Variants in TTC39A observed in about 807,000 individuals in gnomAD.
TTC39A encodes the protein tetratricopeptide repeat protein 39A.
TTC39A carries 46 observed loss-of-function variants against 82.3 expected under a neutral mutation model. The observed-to-expected ratio is 0.56, with a 90% CI of 0.44 to 0.71. TTC39A has a LOEUF of 0.71. Ranked by LOEUF, TTC39A falls within the 30% of genes least tolerant of loss-of-function variation. The probability of loss-of-function intolerance (pLI) is 0.00; values close to 1 mark genes in which losing one functional copy is unlikely to be tolerated. For missense variants in TTC39A, 543 were observed against 712.9 expected (o/e 0.76, Z 2.71); for synonymous variants, 254 against 275.2 (o/e 0.92, Z 0.76).
At position 51,303,072 on chromosome 1, in the gene TTC39A, C is replaced by A. The variant is rs1644735780; in HGVS notation, c.763+12G>T. 6.3e-7 allele frequency: 1 copy of A among 1,577,274 alleles called. No homozygotes were observed. On this transcript the variant is annotated intron_variant, in intron 9 of 17. Coordinates refer to ENST00000680483, the MANE Select transcript of TTC39A (RefSeq NM_001297663.2). ...CCAAACCCCAGGGCCCCAGGTCCCC[C>A]TGTACACCTACCGAGCACGAAGGTG...
At chr1:51,299,668 T>C (rs1644576249) in intron 12 of TTC39A, 1 of 152,358 alleles carries the variant, frequency 6.6e-6, no homozygotes, top group Non-Finnish European at 1.5e-5. Context: ...GAGCCAGATT[T>C]CCTGACAGCT....
Position 51,309,188 on chromosome 1 carries a change from C to T in TTC39A, c.488+73G>A, listed in dbSNP as rs143316259. 3.9e-3 allele frequency: 5,916 copies of T among 1,511,634 alleles called. 13 individuals are homozygous for T. The highest frequency in any genetic ancestry group is 4.4e-3 in the Non-Finnish European group (4,911 of 1,127,416). 93.6% of individuals were successfully genotyped at this position (1,511,634 alleles called of 1,614,324 possible). A position where few individuals can be genotyped will look rare whatever the true frequency, so the allele number is the denominator to read the frequency against. On this transcript the variant is annotated intron_variant, in intron 6 of 17. Coordinates refer to ENST00000680483, the MANE Select transcript of TTC39A (RefSeq NM_001297663.2). ...TAGTACTCTTCTTCTCCCACAAAGC[C>T]GCCTGAGGGGGACAGCCTAGCAGAT...
chr1:51,304,349 G>A (rs1644793043), intron 8 of TTC39A, among the ~76,000 whole-genome samples: 1 of 152,180 alleles, frequency 6.6e-6, no homozygotes, highest in Admixed American at 6.5e-5. Context: ...CGTGGGTGTG[G>A]CAAATATCAG....
At chr1:51,332,693 C>G (rs1056101145), upstream of TTC39A, among the ~76,000 whole-genome samples, 1 of 152,194 alleles carries the variant, frequency 6.6e-6, no homozygotes, top group African/African-American at 2.4e-5. Context: ...TATTTTTTCA[C>G]TGCATTAATG....
At chr1:51,322,166 C>T (rs992503203) in intron 1 of TTC39A, 1 of 1,549,444 alleles carries the variant, frequency 6.5e-7, no homozygotes, top group African/African-American at 1.4e-5. Flanking sequence ...GCCCATTGGG[C>T]TCTGCTGCCC....
In TTC39A at chr1:51,293,892, C is replaced by T. The variant is rs1342265048; in HGVS notation, c.1266+499G>A. 3.9e-5 allele frequency among the ~76,000 whole-genome samples: 6 copies of T among 152,324 alleles called. No homozygotes were observed. In the East Asian group the frequency reaches 1.2e-3, roughly 29 times the overall value. ...CTGTAAAATGGAGACACCAGCAGCG[C>T]CTACTCAGAGGGTTGATGTGAGTCT... is the stretch of plus-strand genomic sequence containing the variant. On this transcript the variant is annotated intron_variant, in intron 14 of 17. Coordinates refer to ENST00000680483, the MANE Select transcript of TTC39A (RefSeq NM_001297663.2).
Position 51,305,161 on chromosome 1 carries a change from G to A in TTC39A, c.589-15C>T, listed in dbSNP as rs866086703. Reference sequence around the variant, plus strand: ...ATGGACAGTGTCTGCAAGAAAGGAGGCAATCAAGCCTGTGAAGGTACCCAG... The same window carrying A: ...ATGGACAGTGTCTGCAAGAAAGGAGACAATCAAGCCTGTGAAGGTACCCAG... On this transcript the variant is annotated splice_polypyrimidine_tract_variant and intron_variant, in intron 7 of 17. Transcript: ENST00000680483. 5.6e-6 allele frequency: 9 copies of A among 1,612,928 alleles called. No homozygotes were observed. In the Middle Eastern group the frequency reaches 8.3e-4, roughly 148 times the overall value.
At chr1:51,297,501 G>C (rs988878458) in intron 12 of TTC39A, 46 of 152,316 alleles carry the variant, frequency 3.0e-4, no homozygotes, top group African/African-American at 1.1e-3. Context: ...TTACAGGCAT[G>C]AGCCACTGCG....
At position 51,330,401 on chromosome 1, in the gene TTC39A, C is replaced by G. The variant is rs977885511; in HGVS notation, c.41+36G>C. On this transcript the variant is annotated intron_variant, in intron 1 of 17. Transcript: ENST00000680483. This position sits in a 1 kb window ranked among gnomAD's most constrained non-coding sequence, Gnocchi z 4.5. ...CACCTGCCCGGGCCCCAGCCCGCGC[C>G]GCCCGCGCCCCCGGGCCTCCCAGCC... 4.1e-6 allele frequency: 4 copies of G among 977,946 alleles called. No individual in the cohort carries two copies. The Admixed American group carries it at 2.5e-4, about 62-fold the overall frequency. 60.6% of individuals were successfully genotyped at this position (977,946 alleles called of 1,614,324 possible).
intron 1 of TTC39A, among the ~76,000 whole-genome samples, chr1:51,343,464 C>T (rs1646061534): frequency 6.6e-6 from 1 of 152,240 alleles, no homozygotes; most frequent in Admixed American, 6.5e-5. Flanking sequence ...CCTTTCTTCT[C>T]AGACACAGCT....
intron 1 of TTC39A, among the ~76,000 whole-genome samples, chr1:51,323,561 T>A (rs919129447): frequency 2.6e-5 from 4 of 152,242 alleles, no homozygotes; most frequent in Admixed American, 2.0e-4. Context: ...CCATATTTCA[T>A]GTCTCTTAAC....
At chr1:51,301,767 C>T in intron 11 of TTC39A, 34 bp from the exon 12 acceptor site, 1 of 1,586,892 alleles carries the variant, frequency 6.3e-7, no homozygotes, top group South Asian at 1.1e-5. Flanking sequence ...TGACGGGTGC[C>T]CACCCAGCCC....
At chr1:51,327,281 C>T (rs1645747630) in intron 1 of TTC39A, among the ~76,000 whole-genome samples, 1 of 152,216 alleles carries the variant, frequency 6.6e-6, no homozygotes, top group Admixed American at 6.5e-5. Flanking sequence ...GGATTTTAAT[C>T]CCTGCTCCAC....
upstream of TTC39A, chr1:51,331,311 G>A: frequency 6.5e-7 from 1 of 1,539,360 alleles, no homozygotes; most frequent in Non-Finnish European, 8.8e-7. Flanking sequence ...ACCGAGCCCT[G>A]AGGCGGTGTC....
chr1:51,305,667 G>A (rs1219928275), intron 7 of TTC39A: 1 of 424,738 alleles, frequency 2.4e-6, no homozygotes, highest in African/African-American at 2.0e-5. Flanking sequence ...CCAGGGCAGA[G>A]AAAGCCCTGA....
Position 51,321,816 on chromosome 1 carries a change from C to A in TTC39A, c.51G>T (p.Glu17Asp). 1 of 1,613,388 alleles carries A rather than the reference C, an allele frequency of 6.2e-7. No individual in the cohort carries two copies. Among genetic ancestry groups the A allele is most frequent in the South Asian group, 1.1e-5 (1 of 90,874 alleles). ...APGALPAGTP[E>D]SSLHEALDQC... ...GGTCCAGGGCCTCATGGAGGCTGCTCTCAGGAGTCCTGGGGGAAGAGATGC... is the reference window on the plus strand; with the variant it reads ...GGTCCAGGGCCTCATGGAGGCTGCTATCAGGAGTCCTGGGGGAAGAGATGC... The change falls in exon 2 of 18, where the codon GAG (glutamate) becomes GAT (aspartate). Residue 17 changes from glutamate to aspartate, a missense_variant. By Grantham distance (45) the Glu-to-Asp change is conservative. Transcript: ENST00000680483. The surrounding 1 kb of genome is among the most constrained non-coding windows in gnomAD (Gnocchi z 4.6).
At chr1:51,323,707 T>C (rs1645610649) in intron 1 of TTC39A, among the ~76,000 whole-genome samples, 4 of 152,250 alleles carry the variant, frequency 2.6e-5, no homozygotes, top group Non-Finnish European at 5.9e-5. Context: ...ATTATATTTT[T>C]CATTTTGTGA....
chr1:51,309,503 C>T, intron 5 of TTC39A, 178 bp from the exon 6 acceptor site: 3 of 1,417,754 alleles, frequency 2.1e-6, no homozygotes, highest in Non-Finnish European at 2.8e-6. Flanking sequence ...CTCTAAAATG[C>T]CCAGGGTTGG....
upstream of TTC39A, among the ~76,000 whole-genome samples, chr1:51,335,702 C>G (rs1645966457): frequency 6.6e-6 from 1 of 152,024 alleles, no homozygotes; most frequent in East Asian, 1.9e-4. Flanking sequence ...AGCCGTAGCT[C>G]GAACCCAGGT....
Sources: allele counts gnomAD v4.1 joint callset (sites outside exome capture counted in the v4.1 genomes callset), GRCh38; gene constraint gnomAD v4.1.1; non-coding constraint Gnocchi (gnomAD v3.1); transcripts MANE v1.5; gene names NCBI Gene and HGNC (gene_info 2026-07-23, HGNC 2026-07-21).